Variants in FRY observed in about 807,000 individuals in gnomAD.
The protein encoded by FRY is protein furry homolog.
A neutral mutation model predicts 348.4 loss-of-function variants in FRY; 128 were observed. That is an observed-to-expected ratio of 0.37 (90% CI 0.32 to 0.43). FRY has a LOEUF of 0.43. Ranked by LOEUF, FRY falls within the 20% of genes least tolerant of loss-of-function variation. The probability of loss-of-function intolerance (pLI) is 1.00; values close to 1 mark genes in which losing one functional copy is unlikely to be tolerated. For synonymous variants in FRY, 1,370 were observed against 1,374.7 expected (o/e 1.00, Z 0.08); for missense variants, 2,736 against 3,695.2 (o/e 0.74, Z 6.73).
At chr13:32,111,270 T>C (rs1424055111) in intron 3 of FRY, among the ~76,000 whole-genome samples, 1 of 151,956 alleles carries the variant, frequency 6.6e-6, no homozygotes, top group East Asian at 1.9e-4. Flanking sequence ...GGTGGCTCAT[T>C]TGAGGTCAGA....
chr13:32,146,196 T>A (rs1281798662), intron 11 of FRY, among the ~76,000 whole-genome samples: 1 of 138,850 alleles, frequency 7.2e-6, no homozygotes, highest in Non-Finnish European at 1.6e-5. Context: ...TTTTTTTTTT[T>A]ACACCTTTCG....
chr13:32,047,824 C>T (rs1873109781), intron 1 of FRY, among the ~76,000 whole-genome samples: 1 of 152,180 alleles, frequency 6.6e-6, no homozygotes, highest in Non-Finnish European at 1.5e-5. Flanking sequence ...CTGCCTGCTT[C>T]GGCCTCCGAA....
At chr13:32,035,343 T>G (rs1872456776) in intron 1 of FRY, among the ~76,000 whole-genome samples, 1 of 152,222 alleles carries the variant, frequency 6.6e-6, no homozygotes, top group Non-Finnish European at 1.5e-5. Context: ...CCTTGACTAC[T>G]TTAACTTTCT....
chr13:32,093,235 TACA>T (rs780969771), intron 2 of FRY, among the ~76,000 whole-genome samples: 4 of 152,290 alleles, frequency 2.6e-5, no homozygotes, highest in Non-Finnish European at 4.4e-5. Flanking sequence ...CTAAAAAACT[TACA>T]ACAATCCCTT....
At chr13:32,289,386 C>T (rs937705840) in intron 58 of FRY, among the ~76,000 whole-genome samples, 1 of 152,200 alleles carries the variant, frequency 6.6e-6, no homozygotes, top group Non-Finnish European at 1.5e-5. Flanking sequence ...GTTGTTCACT[C>T]AGTCCCTTTA....
At chr13:32,220,836 A>G (rs529490978) in intron 36 of FRY, among the ~76,000 whole-genome samples, 9 of 152,326 alleles carry the variant, frequency 5.9e-5, no homozygotes, top group Non-Finnish European at 1.3e-4. Flanking sequence ...CTAGTTACCT[A>G]GCAGTACATT....
intron 2 of FRY, among the ~76,000 whole-genome samples, chr13:32,084,394 T>A (rs1454698044): frequency 6.6e-6 from 1 of 152,208 alleles, no homozygotes; most frequent in Non-Finnish European, 1.5e-5. Context: ...CATACCTTTA[T>A]GAACCCAGGT....
At chr13:32,208,317 C>T (rs764814084) in intron 31 of FRY, among the ~76,000 whole-genome samples, 5 of 152,252 alleles carry the variant, frequency 3.3e-5, no homozygotes, top group Non-Finnish European at 5.9e-5. Flanking sequence ...TAGCCTGATC[C>T]TAACCACAAT....
At chr13:32,217,716 C>G (rs905640394) in intron 35 of FRY, among the ~76,000 whole-genome samples, 2 of 152,228 alleles carry the variant, frequency 1.3e-5, no homozygotes, top group Non-Finnish European at 2.9e-5. Flanking sequence ...AGGTGTATAA[C>G]TTCGCCTCCC....
chr13:32,237,962 A>C lies in FRY; in HGVS notation c.6394A>C (p.Met2132Leu), dbSNP rs772967229. Residue 2132 changes from methionine to leucine, a missense_variant, in exon 44 of 61, where the codon ATG becomes CTG. By Grantham distance (15) the Met-to-Leu change is conservative. Coordinates refer to ENST00000542859, the MANE Select transcript of FRY (RefSeq NM_023037.3). The surrounding 1 kb of genome is among the most constrained non-coding windows in gnomAD (Gnocchi z 6.3). ...GCTGACACCAGTGTCCAAAATATCC[A>C]TGGTGGATGCATCCCACGCTATTGG... ...SLLTPVSKISMVDASHAIGFP... is the reference protein window; with the variant it reads ...SLLTPVSKISLVDASHAIGFP... The C allele has an allele frequency of 9.3e-6, 15 of 1,613,836 alleles. No homozygotes were observed. In the South Asian group the frequency reaches 9.9e-5, roughly 11 times the overall value.
chr13:32,293,459 G>A (rs1889479299), intron 59 of FRY, among the ~76,000 whole-genome samples: 9 of 152,152 alleles, frequency 5.9e-5, no homozygotes. Context: ...AGTGAGTTGG[G>A]AATGAAGAGG....
intron 48 of FRY, among the ~76,000 whole-genome samples, 162 bp from the exon 49 acceptor site, chr13:32,249,364 A>G (rs1886959712): frequency 6.6e-6 from 1 of 152,206 alleles, no homozygotes; most frequent in South Asian, 2.1e-4. Context: ...ACGACTCATA[A>G]TGTGTACTTG....
At chr13:32,231,085 A>C in intron 40 of FRY, 94 bp from the exon 41 acceptor site, 1 of 1,085,446 alleles carries the variant, frequency 9.2e-7, no homozygotes, top group South Asian at 1.5e-5. Context: ...AAAAAATTTA[A>C]ATATGTTATA....
At chr13:32,140,470 C>T (rs1425258605) in intron 11 of FRY, among the ~76,000 whole-genome samples, 1 of 152,136 alleles carries the variant, frequency 6.6e-6, no homozygotes, top group East Asian at 1.9e-4. Flanking sequence ...TATAAGTAGT[C>T]TACCAGGCAC....
At chr13:32,275,618 G>A (rs1432173955) in intron 56 of FRY, among the ~76,000 whole-genome samples, 1 of 152,206 alleles carries the variant, frequency 6.6e-6, no homozygotes, top group African/African-American at 2.4e-5. Flanking sequence ...ATAACCTCCT[G>A]GAGCTGACCT....
rs1593741305 is a variant in FRY, at chr13:32,207,714, A to C, written c.4019-1139A>C. 3.9e-5 allele frequency among the ~76,000 whole-genome samples: 6 copies of C among 152,234 alleles called. No homozygotes were observed. In the East Asian group the frequency reaches 1.2e-3, roughly 29 times the overall value. ...ATTGTGATATAACATTATGGTCTCC[A>C]AAATAAAAAATTATAATTTTAATTT... On this transcript the variant is annotated intron_variant, in intron 31 of 60. Transcript: ENST00000542859.
chr13:32,286,708 CTGCACTCCA>C (rs1299814855), intron 58 of FRY, among the ~76,000 whole-genome samples: 63 of 129,896 alleles, frequency 4.9e-4, no homozygotes, highest in African/African-American at 1.8e-3. Context: ...GATCGCGCCA[CTGCACTCCA>C]GCCTGGGGAG....
intron 10 of FRY, 51 bp from the exon 11 acceptor site, chr13:32,136,820 T>C (rs1879753934): frequency 9.8e-7 from 1 of 1,022,174 alleles, no homozygotes. Context: ...GTATGTTACC[T>C]GGTTTGTTGA....
chr13:32,071,622 A>G (rs543173678), intron 1 of FRY, among the ~76,000 whole-genome samples: 5 of 152,124 alleles, frequency 3.3e-5, no homozygotes, highest in Non-Finnish European at 7.4e-5. Context: ...GGCTGAGATG[A>G]TGGGGTTTTC....
Sources: allele counts gnomAD v4.1 joint callset (sites outside exome capture counted in the v4.1 genomes callset), GRCh38; gene constraint gnomAD v4.1.1; non-coding constraint Gnocchi (gnomAD v3.1); transcripts MANE v1.5; gene names NCBI Gene and HGNC (gene_info 2026-07-23, HGNC 2026-07-21).